The following GABRB1 variants were observed in gnomAD, a reference collection of about 807,000 sequenced individuals.
GABRB1 encodes the protein gamma-aminobutyric acid receptor subunit beta-1.
GABRB1 carries 17 observed loss-of-function variants against 51.6 expected under a neutral mutation model. The observed-to-expected ratio is 0.33, with a 90% CI of 0.23 to 0.49. The LOEUF (loss-of-function observed/expected upper bound fraction) is 0.49. Ranked by LOEUF, GABRB1 falls within the 20% of genes least tolerant of loss-of-function variation. GABRB1 has a pLI of 0.99. For missense variants in GABRB1, 410 were observed against 600.6 expected (o/e 0.68, Z 3.32); for synonymous variants, 247 against 218.9 (o/e 1.13, Z -1.14).
chr4:47,004,371 C>A (rs193241580), intron 1 of GABRB1, among the ~76,000 whole-genome samples: 1 of 152,058 alleles, frequency 6.6e-6, no homozygotes. Context: ...AAGAAAATGA[C>A]GAGACACTTA....
At chr4:47,311,748 G>A (rs147602291) in intron 4 of GABRB1, among the ~76,000 whole-genome samples, 3 of 152,246 alleles carry the variant, frequency 2.0e-5, no homozygotes, top group East Asian at 1.9e-4. Context: ...AACTAATACT[G>A]TATGTGAGGT....
chr4:47,103,083 T>C (rs913918401), intron 3 of GABRB1, among the ~76,000 whole-genome samples: 1 of 151,962 alleles, frequency 6.6e-6, no homozygotes, highest in Non-Finnish European at 1.5e-5. Context: ...GAGACAGATG[T>C]GTGGCAGTGA....
At chr4:47,006,179 TG>T (rs1402111530) in intron 1 of GABRB1, among the ~76,000 whole-genome samples, 3 of 152,254 alleles carry the variant, frequency 2.0e-5, no homozygotes, top group South Asian at 2.1e-4. Flanking sequence ...CCTGATATAT[TG>T]AATTATGACC....
intron 3 of GABRB1, among the ~76,000 whole-genome samples, chr4:47,137,217 A>C (rs1716702058): frequency 6.6e-6 from 1 of 152,102 alleles, no homozygotes; most frequent in Non-Finnish European, 1.5e-5. Flanking sequence ...AGTGTGGGCT[A>C]ACCAAGGATC....
At chr4:47,334,166 TGA>T (rs1725604605) in intron 5 of GABRB1, among the ~76,000 whole-genome samples, 1 of 152,174 alleles carries the variant, frequency 6.6e-6, no homozygotes, top group South Asian at 2.1e-4. Context: ...ATTTCCCAGA[TGA>T]TACTAATGCT....
intron 4 of GABRB1, among the ~76,000 whole-genome samples, chr4:47,168,049 G>A (rs1302515062): frequency 1.3e-5 from 2 of 152,142 alleles, no homozygotes; most frequent in African/African-American, 2.4e-5. Context: ...GGTCTGTTAT[G>A]CATACATTGT....
At chr4:47,282,914 C>T (rs1027258316) in intron 4 of GABRB1, among the ~76,000 whole-genome samples, 11 of 152,032 alleles carry the variant, frequency 7.2e-5, no homozygotes, top group African/African-American at 2.2e-4. Flanking sequence ...CAGTGGAGAC[C>T]TCTGATTATA....
At chr4:47,008,554 C>T (rs1009073628) in intron 1 of GABRB1, among the ~76,000 whole-genome samples, 2 of 150,646 alleles carry the variant, frequency 1.3e-5, no homozygotes, top group Non-Finnish European at 2.9e-5. Context: ...CCTCTGCTTT[C>T]CAGGTTCAAG....
chr4:47,261,155 T>G (rs1722421929), intron 4 of GABRB1, among the ~76,000 whole-genome samples: 1 of 152,250 alleles, frequency 6.6e-6, no homozygotes, highest in African/African-American at 2.4e-5. Flanking sequence ...AGGGATGCCC[T>G]CTCTCACCAC....
At chr4:47,403,280 T>C (rs1259951401) in intron 5 of GABRB1, 38 bp from the exon 6 acceptor site, 2 of 1,606,962 alleles carry the variant, frequency 1.2e-6, no homozygotes, top group South Asian at 1.1e-5. Flanking sequence ...AATGATTTCC[T>C]AAACTTTGTT....
Position 47,203,532 on chromosome 4 carries a change from C to T in GABRB1, c.461+42063C>T, listed in dbSNP as rs145759447. ...GGGTAGTAGGATGAGTAGGAATTTC[C>T]GAGGCAAGTGAAGAGAGGGAGACAT... On this transcript the variant is annotated intron_variant, in intron 4 of 8. Coordinates refer to ENST00000295454, the MANE Select transcript of GABRB1 (RefSeq NM_000812.4). 1.5e-4 allele frequency among the ~76,000 whole-genome samples: 23 copies of T among 152,054 alleles called. No homozygotes were observed. The South Asian group carries it at 1.9e-3, about 12-fold the overall frequency.
chr4:47,130,844 A>C (rs1343965671), intron 3 of GABRB1, among the ~76,000 whole-genome samples: 1 of 152,164 alleles, frequency 6.6e-6, no homozygotes, highest in East Asian at 1.9e-4. Context: ...TAGCTCAATA[A>C]ACATTTGTCC....
chr4:47,354,556 G>A (rs1037055041), intron 5 of GABRB1, among the ~76,000 whole-genome samples: 5 of 151,978 alleles, frequency 3.3e-5, no homozygotes, highest in Admixed American at 1.3e-4. Context: ...CATTATGTTA[G>A]GTTCTCTTTT....
intron 1 of GABRB1, among the ~76,000 whole-genome samples, chr4:47,006,281 A>G (rs955045500): frequency 1.3e-5 from 2 of 152,136 alleles, no homozygotes; most frequent in African/African-American, 4.8e-5. Context: ...TGTTATGCTG[A>G]AACAGTTGGG....
chr4:47,411,510 T>C (rs1208385135), intron 8 of GABRB1, among the ~76,000 whole-genome samples: 1 of 152,100 alleles, frequency 6.6e-6, no homozygotes, highest in African/African-American at 2.4e-5. Flanking sequence ...AGGAAGGATG[T>C]GGGATGGGTA....
At position 47,426,199 on chromosome 4, in the gene GABRB1, A is replaced by C. The variant is rs889382217; in HGVS notation, c.*181A>C. On this transcript the variant is annotated 3_prime_UTR_variant, in exon 9 of 9. Coordinates refer to ENST00000295454, the MANE Select transcript of GABRB1 (RefSeq NM_000812.4). ...TTTACTTCAAAAAGACAAAACAAAA[A>C]AAAAATTATTTTTCCAGTCTACCGT... is the stretch of plus-strand genomic sequence containing the variant. 31 of 489,672 alleles carry C rather than the reference A, an allele frequency of 6.3e-5. No homozygotes were observed. The highest frequency in any genetic ancestry group is 9.4e-4 in the Middle Eastern group (2 of 2,126). The allele number at this position is 489,672 out of a possible 1,614,324, so 30.3% of individuals were successfully genotyped here. A position where few individuals can be genotyped will look rare whatever the true frequency, so the allele number is the denominator to read the frequency against.
intron 4 of GABRB1, among the ~76,000 whole-genome samples, chr4:47,273,137 C>T (rs1476602440): frequency 3.9e-5 from 6 of 152,104 alleles, no homozygotes; most frequent in Non-Finnish European, 7.4e-5. Context: ...CCTTAAGAAC[C>T]TCCCTGTTTA....
intron 1 of GABRB1, among the ~76,000 whole-genome samples, chr4:47,008,938 A>T (rs1423344140): frequency 8.2e-6 from 1 of 121,962 alleles, no homozygotes; most frequent in African/African-American, 3.2e-5. Context: ...ATCTCAGCTC[A>T]CTGCAAGCTC....
At chr4:47,177,345 C>G (rs1718743609) in intron 4 of GABRB1, among the ~76,000 whole-genome samples, 1 of 151,996 alleles carries the variant, frequency 6.6e-6, no homozygotes, top group African/African-American at 2.4e-5. Context: ...GTGGGCAGAA[C>G]TAGAGAAGAG....
Sources: allele counts gnomAD v4.1 joint callset (sites outside exome capture counted in the v4.1 genomes callset), GRCh38; gene constraint gnomAD v4.1.1; transcripts MANE v1.5; gene names NCBI Gene and HGNC (gene_info 2026-07-23, HGNC 2026-07-21).